KIF26B: variants seen among roughly 807,000 people sequenced by gnomAD.
KIF26B encodes the protein kinesin-like protein KIF26B.
KIF26B carries 63 observed loss-of-function variants against 151.2 expected under a neutral mutation model. The ratio of observed to expected loss-of-function variants is 0.42; its 90% CI spans 0.34 to 0.51. KIF26B has a LOEUF of 0.51. KIF26B is among the 20% of genes least tolerant of loss of function. The probability of loss-of-function intolerance (pLI) is 0.07; values close to 1 mark genes in which losing one functional copy is unlikely to be tolerated. For missense variants in KIF26B, 2,813 were observed against 2,913.6 expected (o/e 0.97, Z 0.79); for synonymous variants, 1,357 against 1,262.1 (o/e 1.08, Z -1.59).
intron 5 of KIF26B, among the ~76,000 whole-genome samples, chr1:245,562,500 A>G (rs6700779): frequency 0.054 from 8,268 of 151,860 alleles, 336 homozygotes; most frequent in African/African-American, 0.11. Context: ...TTGTATGCAC[A>G]CCGATTTCCC....
intron 10 of KIF26B, among the ~76,000 whole-genome samples, chr1:245,660,850 C>G (rs1329259262): frequency 2.6e-5 from 4 of 152,146 alleles, no homozygotes; most frequent in Non-Finnish European, 5.9e-5. Context: ...GGGTCTCATT[C>G]TGTCACTGAA....
chr1:245,249,489 ATTTTTT>A (rs60378504), intron 2 of KIF26B, among the ~76,000 whole-genome samples: 2 of 79,808 alleles, frequency 2.5e-5, no homozygotes, highest in African/African-American at 4.8e-5. Flanking sequence ...GTGTTAATCT[ATTTTTT>A]TTTTTTTTTT....
chr1:245,365,551 G>T (rs1672928862), intron 2 of KIF26B, among the ~76,000 whole-genome samples: 1 of 148,580 alleles, frequency 6.7e-6, no homozygotes, highest in Non-Finnish European at 1.5e-5. Flanking sequence ...ACCGCCTTCA[G>T]CTCTGATGGG....
chr1:245,481,874 G>A (rs1283362952), intron 4 of KIF26B, among the ~76,000 whole-genome samples: 3 of 151,724 alleles, frequency 2.0e-5, no homozygotes, highest in Admixed American at 1.3e-4. Context: ...GGACCTGACA[G>A]CACGCTCCAG....
intron 2 of KIF26B, among the ~76,000 whole-genome samples, chr1:245,254,754 G>A (rs1184236099): frequency 6.6e-6 from 1 of 152,132 alleles, no homozygotes; most frequent in Non-Finnish European, 1.5e-5. Flanking sequence ...TTTGCTGCCA[G>A]TGCATTCCAA....
intron 2 of KIF26B, among the ~76,000 whole-genome samples, chr1:245,229,052 C>G (rs569404392): frequency 6.6e-6 from 1 of 152,090 alleles, no homozygotes; most frequent in Non-Finnish European, 1.5e-5. Flanking sequence ...CTGCAGCCTC[C>G]GCCTCCCAGG....
At chr1:245,207,718 G>A (rs113548245) in intron 2 of KIF26B, among the ~76,000 whole-genome samples, 62 of 152,210 alleles carry the variant, frequency 4.1e-4, no homozygotes, top group African/African-American at 1.4e-3. Context: ...TCCCTCCTCC[G>A]TGCTAAGTTG....
At position 245,597,779 on chromosome 1, in the gene KIF26B, G is replaced by T. The variant is rs1490075552; in HGVS notation, c.1351-4798G>T. On this transcript the variant is annotated intron_variant, in intron 5 of 14. Transcript: ENST00000407071. This position sits in a 1 kb window ranked among gnomAD's most constrained non-coding sequence, Gnocchi z 4.6. ...TTTCAGGTACACCAATCAAACATAG[G>T]TTTGGTCTTTTCACATAGTTCCATA... Among the ~76,000 whole-genome samples the T allele has an allele frequency of 1.3e-5, 2 of 152,076 alleles. No homozygotes were observed. The highest frequency in any genetic ancestry group is 4.8e-5 in the African/African-American group (2 of 41,396).
At chr1:245,426,511 A>G (rs1309834752) in intron 4 of KIF26B, among the ~76,000 whole-genome samples, 1 of 151,870 alleles carries the variant, frequency 6.6e-6, no homozygotes, top group Admixed American at 6.6e-5. Flanking sequence ...GTCCATCTCA[A>G]TCTCTTGTGT....
intron 3 of KIF26B, among the ~76,000 whole-genome samples, chr1:245,396,123 CT>C (rs1673832751): frequency 6.6e-6 from 1 of 152,124 alleles, no homozygotes; most frequent in Non-Finnish European, 1.5e-5. Flanking sequence ...TAACAGAATA[CT>C]GACTTTTTGT....
intron 2 of KIF26B, among the ~76,000 whole-genome samples, chr1:245,365,260 C>T (rs1672918784): frequency 1.3e-5 from 2 of 152,208 alleles, no homozygotes; most frequent in Non-Finnish European, 1.5e-5. Context: ...ACCAGACTCG[C>T]TCAACCTGAA....
intron 4 of KIF26B, among the ~76,000 whole-genome samples, chr1:245,490,381 G>A (rs1342733114): frequency 2.1e-5 from 3 of 143,516 alleles, no homozygotes; most frequent in African/African-American, 5.2e-5. Context: ...GCGCGATCTC[G>A]GCTCACTGCA....
intron 4 of KIF26B, among the ~76,000 whole-genome samples, chr1:245,513,804 C>A (rs759364904): frequency 5.9e-4 from 90 of 152,178 alleles, no homozygotes; most frequent in Non-Finnish European, 1.1e-3. Flanking sequence ...AGACAGGTTG[C>A]CAGCTCTCAT....
intron 2 of KIF26B, among the ~76,000 whole-genome samples, chr1:245,303,251 T>A: frequency 7.1e-6 from 1 of 140,792 alleles, no homozygotes; most frequent in Non-Finnish European, 1.5e-5. Flanking sequence ...CAGGCCGGAG[T>A]GCAGTGGCGC....
At chr1:245,387,677 G>A (rs898944774) in intron 3 of KIF26B, among the ~76,000 whole-genome samples, 10 of 152,068 alleles carry the variant, frequency 6.6e-5, no homozygotes, top group African/African-American at 9.7e-5. Context: ...AAACAACAGA[G>A]TGAGACCCTA....
chr1:245,355,298 G>A (rs1558400445), intron 2 of KIF26B, among the ~76,000 whole-genome samples: 1 of 152,024 alleles, frequency 6.6e-6, no homozygotes, highest in Non-Finnish European at 1.5e-5. Flanking sequence ...TGCATCCCTG[G>A]CCTCTACTCA....
chr1:245,342,888 C>G (rs1454078737), intron 2 of KIF26B, among the ~76,000 whole-genome samples: 1 of 152,098 alleles, frequency 6.6e-6, no homozygotes, highest in Non-Finnish European at 1.5e-5. Flanking sequence ...GAGTTCAAGA[C>G]CAGCCTGGCC....
intron 2 of KIF26B, among the ~76,000 whole-genome samples, chr1:245,365,699 C>G (rs969955845): frequency 1.3e-5 from 2 of 152,162 alleles, no homozygotes; most frequent in African/African-American, 2.4e-5. Context: ...GCGTAGTAGC[C>G]CTGTTCATAT....
chr1:245,521,484 T>C (rs1488915215), intron 4 of KIF26B, among the ~76,000 whole-genome samples: 1 of 152,190 alleles, frequency 6.6e-6, no homozygotes, highest in Non-Finnish European at 1.5e-5. Context: ...CATCCAGATA[T>C]ATTCCAAACC....
Sources: gnomAD v4.1 joint callset for allele counts (sites outside exome capture counted in the v4.1 genomes callset) on GRCh38, gnomAD v4.1.1 for gene constraint, Gnocchi (gnomAD v3.1) non-coding constraint, MANE v1.5 for transcripts, NCBI Gene and HGNC (gene_info 2026-07-23, HGNC 2026-07-21) for gene names.